The following LHFPL3 variants were observed in gnomAD, a reference collection of about 807,000 sequenced individuals.
LHFPL3 encodes the protein LHFPL tetraspan subfamily member 3.
Under a neutral mutation model 19.3 loss-of-function variants are expected in LHFPL3, and 5 were observed. The ratio of observed to expected loss-of-function variants is 0.26; its 90% CI spans 0.14 to 0.54. The LOEUF (loss-of-function observed/expected upper bound fraction) is 0.54. Ranked by LOEUF, LHFPL3 falls within the 20% of genes least tolerant of loss-of-function variation. The pLI is 0.94. For missense variants in LHFPL3, 249 were observed against 307.4 expected, an observed-to-expected ratio of 0.81 and a Z score of 1.42; for synonymous variants, 133 against 126.2, an observed-to-expected ratio of 1.05 and a Z score of -0.36.
At chr7:104,468,917 C>T (rs1227384150) in intron 1 of LHFPL3, among the ~76,000 whole-genome samples, 1 of 152,140 alleles carries the variant, frequency 6.6e-6, no homozygotes, top group African/African-American at 2.4e-5. Flanking sequence ...CCTCTTCCTC[C>T]CAAAGTGCTG....
chr7:104,851,571 G>A (rs1175851866), intron 2 of LHFPL3, among the ~76,000 whole-genome samples: 2 of 152,196 alleles, frequency 1.3e-5, no homozygotes, highest in African/African-American at 4.8e-5. Flanking sequence ...GAAAAATTAA[G>A]TTCATATTTG....
chr7:104,563,487 A>G (rs183913047), intron 1 of LHFPL3, among the ~76,000 whole-genome samples: 1 of 152,272 alleles, frequency 6.6e-6, no homozygotes, highest in South Asian at 2.1e-4. Context: ...CAGAAAGGGA[A>G]CTCCCTGACC....
chr7:104,659,587 T>G lies in LHFPL3; in HGVS notation c.446-77088T>G, dbSNP rs569376277. On this transcript the variant is annotated intron_variant, in intron 1 of 2. Transcript: ENST00000424859. ...GTGATGGGGGAATTCTTAGCAGGAT[T>G]AGGGGAATGATTTGAGTCCCTGACA... is the stretch of plus-strand genomic sequence containing the variant. Among the ~76,000 whole-genome samples, 2 of 152,280 alleles carry G rather than the reference T, an allele frequency of 1.3e-5. 1 individual carries two copies. Among genetic ancestry groups the G allele is most frequent in the African/African-American group, 4.8e-5 (2 of 41,548 alleles).
At chr7:104,781,329 T>C (rs2116423829) in intron 2 of LHFPL3, among the ~76,000 whole-genome samples, 1 of 152,322 alleles carries the variant, frequency 6.6e-6, no homozygotes, top group Non-Finnish European at 1.5e-5. Context: ...CATCACCTTA[T>C]GGCTGCTACA....
At chr7:104,565,362 C>A (rs1790098824) in intron 1 of LHFPL3, among the ~76,000 whole-genome samples, 1 of 152,116 alleles carries the variant, frequency 6.6e-6, no homozygotes, top group South Asian at 2.1e-4. Context: ...GATGCTAATG[C>A]ATGAGAAAAA....
At chr7:104,633,691 G>A (rs1429098477) in intron 1 of LHFPL3, among the ~76,000 whole-genome samples, 1 of 152,104 alleles carries the variant, frequency 6.6e-6, no homozygotes, top group Non-Finnish European at 1.5e-5. Flanking sequence ...ACCATTTGTT[G>A]CTATGTCACG....
chr7:104,881,291 G>T (rs1792052621), intron 2 of LHFPL3, among the ~76,000 whole-genome samples: 1 of 151,934 alleles, frequency 6.6e-6, no homozygotes, highest in Admixed American at 6.6e-5. Context: ...CTTCAATCTA[G>T]ATGTCATTAA....
At chr7:104,368,316 T>A (rs1790534231) in intron 1 of LHFPL3, among the ~76,000 whole-genome samples, 1 of 152,176 alleles carries the variant, frequency 6.6e-6, no homozygotes, top group African/African-American at 2.4e-5. Context: ...TAACATGAGA[T>A]CTACCCTCTC....
At chr7:104,383,336 A>C (rs958851751) in intron 1 of LHFPL3, among the ~76,000 whole-genome samples, 1 of 152,228 alleles carries the variant, frequency 6.6e-6, no homozygotes, top group African/African-American at 2.4e-5. Flanking sequence ...TGCCTCTCAC[A>C]AATTAGTGAC....
intron 1 of LHFPL3, among the ~76,000 whole-genome samples, chr7:104,659,719 C>T (rs1008508363): frequency 2.0e-5 from 3 of 152,148 alleles, no homozygotes; most frequent in South Asian, 2.1e-4. Context: ...TTTGCGACTT[C>T]TCAAAATCAG....
In LHFPL3 at chr7:104,698,949, A is replaced by C. The variant is rs563229620; in HGVS notation, c.446-37726A>C. 6.6e-5 allele frequency among the ~76,000 whole-genome samples: 10 copies of C among 152,360 alleles called. No homozygotes were observed. The East Asian group carries it at 1.9e-3, about 29-fold the overall frequency. Reference sequence around the variant, plus strand: ...AGCAGGTGAAAAGATTTTCAACAACACTAGTCAATAGGAAGATGCAAATCA... The same window carrying C: ...AGCAGGTGAAAAGATTTTCAACAACCCTAGTCAATAGGAAGATGCAAATCA... On this transcript the variant is annotated intron_variant, in intron 1 of 2. Transcript: ENST00000424859.
rs138927192 is a variant in LHFPL3 at position 104,442,030 on chromosome 7, A to G, written c.445+112806A>G. ...CTACCAACAGTGTGCAAGGGTTTCA[A>G]TTTCTCTACATCCTCACCAACACTT... On this transcript the variant is annotated intron_variant, in intron 1 of 2. Transcript: ENST00000424859. Among the ~76,000 whole-genome samples, 117 of 151,762 alleles carry G rather than the reference A, an allele frequency of 7.7e-4. No homozygotes were observed. In the East Asian group the frequency reaches 0.021, roughly 27 times the overall value.
intron 1 of LHFPL3, chr7:104,667,616 A>G (rs957183261): frequency 2.9e-6 from 2 of 683,016 alleles, no homozygotes; most frequent in Non-Finnish European, 4.9e-6. Flanking sequence ...TTTGTTATCC[A>G]TTTAGTGTAC....
At chr7:104,448,212 G>A (rs916806030) in intron 1 of LHFPL3, among the ~76,000 whole-genome samples, 6 of 152,104 alleles carry the variant, frequency 3.9e-5, no homozygotes, top group African/African-American at 1.4e-4. Flanking sequence ...CTTCACCTAA[G>A]GAGTTTTGAA....
intron 2 of LHFPL3, among the ~76,000 whole-genome samples, chr7:104,865,674 T>C (rs1421925807): frequency 1.3e-5 from 2 of 152,120 alleles, no homozygotes; most frequent in Non-Finnish European, 2.9e-5. Flanking sequence ...CAGGAGAATT[T>C]CCCCAATTTA....
chr7:104,480,164 C>A (rs1056840432), intron 1 of LHFPL3, among the ~76,000 whole-genome samples: 1 of 152,180 alleles, frequency 6.6e-6, no homozygotes, highest in African/African-American at 2.4e-5. Flanking sequence ...AATCCTGGTG[C>A]TGTGAAATCC....
At chr7:104,500,714 TA>T (rs1453067608) in intron 1 of LHFPL3, among the ~76,000 whole-genome samples, 1 of 152,230 alleles carries the variant, frequency 6.6e-6, no homozygotes, top group Non-Finnish European at 1.5e-5. Flanking sequence ...GTGAATTTTC[TA>T]AACACAAATC....
chr7:104,451,966 G>T (rs560613653), intron 1 of LHFPL3, among the ~76,000 whole-genome samples: 4 of 152,170 alleles, frequency 2.6e-5, no homozygotes, highest in Admixed American at 6.5e-5. Flanking sequence ...GGGTGGTCTT[G>T]AACTGCTGAC....
chr7:104,628,252 A>G (rs1487229188), intron 1 of LHFPL3, among the ~76,000 whole-genome samples: 1 of 152,210 alleles, frequency 6.6e-6, no homozygotes, highest in Non-Finnish European at 1.5e-5. Context: ...ATTTTGTATT[A>G]GGAACATTAC....
Sources: gnomAD v4.1 joint callset for allele counts (sites outside exome capture counted in the v4.1 genomes callset) on GRCh38, gnomAD v4.1.1 for gene constraint, MANE v1.5 for transcripts, NCBI Gene and HGNC (gene_info 2026-07-23, HGNC 2026-07-21) for gene names.